AHCY: variants seen among roughly 807,000 people sequenced by gnomAD.
The protein encoded by AHCY is adenosylhomocysteinase.
AHCY carries 24 observed loss-of-function variants against 45.4 expected under a neutral mutation model. That is an observed-to-expected ratio of 0.53 (90% CI 0.38 to 0.74). AHCY has a LOEUF of 0.74. AHCY is among the 30% of genes least tolerant of loss of function. The probability of loss-of-function intolerance (pLI) is 0.00; values close to 1 mark genes in which losing one functional copy is unlikely to be tolerated. For missense variants in AHCY, 449 were observed against 594.1 expected, an observed-to-expected ratio of 0.76 and a Z score of 2.54; for synonymous variants, 245 against 235.1, an observed-to-expected ratio of 1.04 and a Z score of -0.39.
At chr20:34,301,199 C>A (rs2036759062) in intron 1 of AHCY, among the ~76,000 whole-genome samples, 1 of 152,182 alleles carries the variant, frequency 6.6e-6, no homozygotes, top group African/African-American at 2.4e-5. Flanking sequence ...CCAGGCAGGG[C>A]TAGAGCAGAG....
upstream of AHCY, chr20:34,303,413 C>A (rs968318159): frequency 8.0e-7 from 1 of 1,252,258 alleles, no homozygotes; most frequent in Non-Finnish European, 1.1e-6. Context: ...TATTCATGAC[C>A]CGCTGGGGCG....
chr20:34,291,032 C>A, intron 5 of AHCY, 94 bp from the exon 6 acceptor site: 1 of 1,248,210 alleles, frequency 8.0e-7, no homozygotes, highest in Admixed American at 2.0e-5. Context: ...GCCCAGGCAT[C>A]ATGGGCCCAC....
the AHCY span, among the ~76,000 whole-genome samples, chr20:34,264,719 ATATTTTCTTATAAT>A: frequency 6.8e-6 from 1 of 147,858 alleles, no homozygotes; most frequent in South Asian, 2.1e-4. Flanking sequence ...TCACTTCCTT[ATATTTTCTTATAAT>A]CGATCTCTAC....
At chr20:34,257,580 T>C in the AHCY span, among the ~76,000 whole-genome samples, 2 of 152,320 alleles carry the variant, frequency 1.3e-5, no homozygotes, top group East Asian at 3.9e-4. Flanking sequence ...TTATCTAGTT[T>C]ACAAATATTT....
the AHCY span, among the ~76,000 whole-genome samples, chr20:34,253,615 G>T: frequency 6.6e-6 from 1 of 151,984 alleles, no homozygotes; most frequent in African/African-American, 2.4e-5. Context: ...GGGATTATAG[G>T]CATGCACCAC....
chr20:34,249,621 T>G, the AHCY span, among the ~76,000 whole-genome samples: 9 of 152,148 alleles, frequency 5.9e-5, no homozygotes, highest in African/African-American at 2.2e-4. Context: ...ATCTCTTAAT[T>G]TTTTAACAAG....
chr20:34,259,666 C>G, the AHCY span, among the ~76,000 whole-genome samples: 1 of 152,016 alleles, frequency 6.6e-6, no homozygotes, highest in Non-Finnish European at 1.5e-5. Flanking sequence ...AGGAGAATCA[C>G]TTGTACCTGG....
chr20:34,286,912 C>T (rs2122737864), intron 8 of AHCY, among the ~76,000 whole-genome samples: 1 of 151,458 alleles, frequency 6.6e-6, no homozygotes, highest in South Asian at 2.1e-4. Context: ...CACAGTGTGG[C>T]TCCCAGGTGA....
chr20:34,248,963 C>CA, the AHCY span, among the ~76,000 whole-genome samples: 24,137 of 129,224 alleles, frequency 0.19, 2,216 homozygotes, highest in African/African-American at 0.27. Flanking sequence ...ACCAAAAATA[C>CA]AAAAAAAAAA....
rs192806867 is a variant in AHCY at position 34,287,501 on chromosome 20, C to T, written c.973-1867G>A. Among the ~76,000 whole-genome samples, 7 of 150,944 alleles carry T rather than the reference C, an allele frequency of 4.6e-5. No homozygotes were observed. In the East Asian group the frequency reaches 1.4e-3, roughly 30 times the overall value. ...CACCTCCTGGGTTCAAGCGATTCTC[C>T]TGCCTCAGCCTCCAGAGTAGCTGGG... On this transcript the variant is annotated intron_variant, in intron 8 of 9. Transcript: ENST00000217426.
chr20:34,235,860 GGAAGGA>G, the AHCY span, among the ~76,000 whole-genome samples: 1 of 32,100 alleles, frequency 3.1e-5, no homozygotes, highest in African/African-American at 5.5e-4. Flanking sequence ...AAGGAAGGAA[GGAAGGA>G]AAGGAAGGAA....
At chr20:34,272,400 C>T in the AHCY span, among the ~76,000 whole-genome samples, 1 of 152,200 alleles carries the variant, frequency 6.6e-6, no homozygotes, top group Admixed American at 6.5e-5. Context: ...AGGTGTCCTC[C>T]AATTCAATTC....
In AHCY at chr20:34,295,395, C is replaced by A; in HGVS notation, c.219G>T (p.Glu73Asp). ...LIETLVTLGA[E>D]VQWSSCNIFS... Reference sequence around the variant, plus strand: ...GGGGTGATACAGCTGTGGGCCTCACCTCAGCACCCAGGGTGACGAGGGTCT... The same window carrying A: ...GGGGTGATACAGCTGTGGGCCTCACATCAGCACCCAGGGTGACGAGGGTCT... Residue 73 changes from glutamate to aspartate, a missense_variant and splice_region_variant, in exon 2 of 10, where the codon GAG becomes GAT. Glu to Asp is a conservative substitution (Grantham distance 45, BLOSUM62 2). Transcript: ENST00000217426. 1 of 1,614,086 alleles carries A rather than the reference C, an allele frequency of 6.2e-7. No individual in the cohort carries two copies. The highest frequency in any genetic ancestry group is 8.5e-7 in the Non-Finnish European group (1 of 1,179,982).
At position 34,302,769 on chromosome 20, in the gene AHCY, G is replaced by A. The variant is rs1361361952; in HGVS notation, c.28+474C>T. 5.0e-6 allele frequency: 5 copies of A among 992,422 alleles called. No homozygotes were observed. In the East Asian group the frequency reaches 3.3e-4, roughly 65 times the overall value. 61.5% of individuals were successfully genotyped at this position (992,422 alleles called of 1,614,324 possible). ...AGAGGAGGATCGGAGCCGGCCTGGG[G>A]CTCGCTTTCCAGGCCTCTCCTCATA... On this transcript the variant is annotated intron_variant, in intron 1 of 9. Transcript: ENST00000217426.
At chr20:34,305,634 C>A (rs1467867704), upstream of AHCY, among the ~76,000 whole-genome samples, 2 of 152,112 alleles carry the variant, frequency 1.3e-5, no homozygotes, top group East Asian at 3.9e-4. Flanking sequence ...AAAGAAATGG[C>A]AAGTTCCAGA....
At chr20:34,299,114 CTT>C (rs956114251) in intron 1 of AHCY, among the ~76,000 whole-genome samples, 8 of 152,116 alleles carry the variant, frequency 5.3e-5, no homozygotes, top group Admixed American at 6.5e-5. Context: ...TCTCTTGTCT[CTT>C]TGTCTTGTAT....
At chr20:34,303,219 C>A (rs968279640) in intron 1 of AHCY, 24 bp downstream of exon 1, 7 of 1,551,164 alleles carry the variant, frequency 4.5e-6, no homozygotes, top group Non-Finnish European at 6.1e-6. Context: ...GCGGCCGCAA[C>A]CGGCTGCAGG....
At chr20:34,261,174 C>G in the AHCY span, among the ~76,000 whole-genome samples, 17 of 152,296 alleles carry the variant, frequency 1.1e-4, no homozygotes, top group African/African-American at 3.8e-4. Flanking sequence ...AAACTAATAT[C>G]TCTTACTACC....
the AHCY span, among the ~76,000 whole-genome samples, chr20:34,266,169 C>T: frequency 6.6e-6 from 1 of 151,350 alleles, no homozygotes; most frequent in South Asian, 2.1e-4. Context: ...CTGGCTAACA[C>T]GGAGAAACCC....
Sources: allele counts gnomAD v4.1 joint callset (sites outside exome capture counted in the v4.1 genomes callset), GRCh38; gene constraint gnomAD v4.1.1; transcripts MANE v1.5; gene names NCBI Gene and HGNC (gene_info 2026-07-23, HGNC 2026-07-21).